The following GOLIM4 variants were observed in gnomAD, a reference collection of about 807,000 sequenced individuals.
The protein encoded by GOLIM4 is golgi integral membrane protein 4.
Under a neutral mutation model 107.4 loss-of-function variants are expected in GOLIM4, and 71 were observed. The ratio of observed to expected loss-of-function variants is 0.66; its 90% CI spans 0.55 to 0.81. The LOEUF is 0.81. Ranked by LOEUF, GOLIM4 falls within the 30% of genes least tolerant of loss-of-function variation. GOLIM4 has a pLI of 0.00. For missense variants in GOLIM4, 830 were observed against 826.1 expected (o/e 1.00, Z -0.06); for synonymous variants, 327 against 294.8 (o/e 1.11, Z -1.12).
chr3:168,092,105 C>G (rs1721945856), intron 1 of GOLIM4, among the ~76,000 whole-genome samples: 1 of 152,160 alleles, frequency 6.6e-6, no homozygotes, highest in Non-Finnish European at 1.5e-5. Context: ...GCAGTCTAGA[C>G]TGAGAAACAC....
intron 1 of GOLIM4, among the ~76,000 whole-genome samples, chr3:168,052,742 A>G (rs1488288837): frequency 6.6e-6 from 1 of 152,176 alleles, no homozygotes; most frequent in Non-Finnish European, 1.5e-5. Context: ...GAATGAGGAT[A>G]GCTAATCAAT....
chr3:168,030,928 T>C (rs187646206), intron 9 of GOLIM4, among the ~76,000 whole-genome samples: 15 of 152,318 alleles, frequency 9.8e-5, no homozygotes, highest in Admixed American at 5.9e-4. Flanking sequence ...TATTGCAGCA[T>C]TACTCACAAT....
chr3:168,014,315 A>C (rs1047632951), intron 14 of GOLIM4, among the ~76,000 whole-genome samples: 6 of 149,222 alleles, frequency 4.0e-5, no homozygotes, highest in African/African-American at 1.5e-4. Context: ...TCCTCGACAC[A>C]TACACTCTCC....
chr3:168,036,093 T>G (rs563502017), intron 8 of GOLIM4, among the ~76,000 whole-genome samples: 2 of 152,304 alleles, frequency 1.3e-5, no homozygotes, highest in South Asian at 4.1e-4. Context: ...AATATTTGAG[T>G]GGGTTGACTG....
In GOLIM4 at chr3:168,095,859, T is replaced by C. The variant is rs1450147777; in HGVS notation, c.-574A>G. 1 of 151,934 alleles carries C rather than the reference T, an allele frequency of 6.6e-6. No homozygotes were observed. Among genetic ancestry groups the C allele is most frequent in the Non-Finnish European group, 1.5e-5 (1 of 68,084 alleles). 9.4% of individuals were successfully genotyped at this position (151,934 alleles called of 1,614,324 possible). On this transcript the variant is annotated 5_prime_UTR_variant, in exon 1 of 16. Coordinates refer to ENST00000470487, the MANE Select transcript of GOLIM4 (RefSeq NM_014498.5). The stretch of plus-strand genomic sequence containing the variant: ...ACGGCACAGCGGTGTCACTGACGGG[T>C]CGGCTGGTGCCTCTGCCGCCCCGCC...
chr3:168,023,421 A>T (rs984983091), intron 14 of GOLIM4, among the ~76,000 whole-genome samples: 2 of 152,246 alleles, frequency 1.3e-5, no homozygotes, highest in African/African-American at 4.8e-5. Flanking sequence ...AAAGAGCAAC[A>T]TCCTTTTCTG....
chr3:168,048,682 TG>T (rs1343654409), intron 1 of GOLIM4, among the ~76,000 whole-genome samples: 3 of 152,170 alleles, frequency 2.0e-5, no homozygotes, highest in Non-Finnish European at 4.4e-5. Context: ...CCTGTCTTCC[TG>T]GGCAACCTTG....
At chr3:168,065,869 A>G (rs1720519882) in intron 1 of GOLIM4, among the ~76,000 whole-genome samples, 1 of 152,220 alleles carries the variant, frequency 6.6e-6, no homozygotes, top group Non-Finnish European at 1.5e-5. Flanking sequence ...TCTGAAAAGT[A>G]TTTCATAACT....
At position 168,044,895 on chromosome 3, in the gene GOLIM4, A is replaced by AG. The variant is rs947778340; in HGVS notation, c.313-15_313-14insC. 3 of 1,493,766 alleles carry AG rather than the reference A, an allele frequency of 2.0e-6. No homozygotes were observed. The African/African-American group carries it at 4.2e-5, about 21-fold the overall frequency. The allele number at this position is 1,493,766 out of a possible 1,614,324, so 92.5% of individuals were successfully genotyped here. A position where few individuals can be genotyped will look rare whatever the true frequency, so the allele number is the denominator to read the frequency against. ...ATTGGAATCTTGCTGTAAATCAAAA[A>AG]AAAAAAAGAAAACACAAAGATAAAT... On this transcript the variant is annotated splice_polypyrimidine_tract_variant and intron_variant, in intron 3 of 15. Coordinates refer to ENST00000470487, the MANE Select transcript of GOLIM4 (RefSeq NM_014498.5).
At chr3:168,047,132 CA>C in intron 2 of GOLIM4, 133 bp from the exon 3 acceptor site, 1 of 488,150 alleles carries the variant, frequency 2.0e-6, no homozygotes, top group Non-Finnish European at 3.7e-6. Context: ...TGGTGATTTA[CA>C]TACTTTATTT....
chr3:168,054,335 C>T (rs1231033403), intron 1 of GOLIM4, among the ~76,000 whole-genome samples: 8 of 152,162 alleles, frequency 5.3e-5, no homozygotes, highest in African/African-American at 7.2e-5. Context: ...TCATCCTGCC[C>T]GACCCCAGCA....
intron 1 of GOLIM4, among the ~76,000 whole-genome samples, chr3:168,066,660 A>C (rs1402787811): frequency 6.6e-6 from 1 of 152,158 alleles, no homozygotes; most frequent in African/African-American, 2.4e-5. Context: ...ATACTTTTAT[A>C]GTCCTTTACA....
At chr3:168,012,099 G>A (rs1717075650) in intron 14 of GOLIM4, among the ~76,000 whole-genome samples, 1 of 122,714 alleles carries the variant, frequency 8.1e-6, no homozygotes, top group Non-Finnish European at 1.5e-5. Flanking sequence ...CTGAGCTACG[G>A]GAGGACATTC....
chr3:168,057,334 C>A (rs144281295), intron 1 of GOLIM4, among the ~76,000 whole-genome samples: 1 of 152,300 alleles, frequency 6.6e-6, no homozygotes, highest in East Asian at 1.9e-4. Context: ...CCCTGGTACA[C>A]TGAATTGTAG....
intron 14 of GOLIM4, among the ~76,000 whole-genome samples, chr3:168,017,053 A>G (rs1717411001): frequency 2.6e-5 from 4 of 152,188 alleles, no homozygotes; most frequent in Non-Finnish European, 5.9e-5. Context: ...AATAATAAAA[A>G]AAAGAAATGT....
At chr3:168,095,045 G>C in intron 1 of GOLIM4, 54 bp downstream of exon 1, 1 of 1,415,566 alleles carries the variant, frequency 7.1e-7, no homozygotes, top group East Asian at 2.3e-5. Context: ...TCCTGCCCGG[G>C]TGGAGGCGCG....
chr3:168,076,717 T>C (rs9840882), intron 1 of GOLIM4, among the ~76,000 whole-genome samples: 29,532 of 152,030 alleles, frequency 0.19, 3,593 homozygotes, highest in Middle Eastern at 0.3. Flanking sequence ...AATCAATCAA[T>C]AAAATGGTTA....
At chr3:168,032,992 C>G (rs1370838697) in intron 8 of GOLIM4, 140 bp from the exon 9 acceptor site, 14 of 653,042 alleles carry the variant, frequency 2.1e-5, no homozygotes, top group Non-Finnish European at 3.7e-5. Flanking sequence ...GGCTTTATGG[C>G]TGCAATGGAG....
intron 1 of GOLIM4, among the ~76,000 whole-genome samples, chr3:168,068,565 A>G (rs904244590): frequency 6.6e-6 from 1 of 151,456 alleles, no homozygotes. Flanking sequence ...TGTTAACTTA[A>G]GGATAGTTTT....
Sources: gnomAD v4.1 joint callset for allele counts (sites outside exome capture counted in the v4.1 genomes callset) on GRCh38, gnomAD v4.1.1 for gene constraint, MANE v1.5 for transcripts, NCBI Gene and HGNC (gene_info 2026-07-23, HGNC 2026-07-21) for gene names.